SH3PXD2A: variants seen among roughly 807,000 people sequenced by gnomAD.
SH3PXD2A encodes SH3 and PX domains 2A, also known as SH3 and PX domain-containing protein 2A.
A neutral mutation model predicts 115.2 loss-of-function variants in SH3PXD2A; 32 were observed. The ratio of observed to expected loss-of-function variants is 0.28; its 90% CI spans 0.21 to 0.37. The LOEUF is 0.37. Ranked by LOEUF, SH3PXD2A falls within the 10% of genes least tolerant of loss-of-function variation. The pLI is 1.00. For synonymous variants in SH3PXD2A, 610 were observed against 629.1 expected (o/e 0.97, Z 0.45); for missense variants, 1,328 against 1,498.7 (o/e 0.89, Z 1.88).
intron 1 of SH3PXD2A, among the ~76,000 whole-genome samples, chr10:103,836,457 C>T (rs1286203441): frequency 1.3e-5 from 2 of 151,390 alleles, no homozygotes; most frequent in African/African-American, 2.4e-5. Flanking sequence ...TAACACATCC[C>T]CTAACACACA....
At position 103,691,991 on chromosome 10, in the gene SH3PXD2A, C is replaced by T. The variant is rs151069284; in HGVS notation, c.427+1037G>A. Among the ~76,000 whole-genome samples the T allele has an allele frequency of 8.3e-3, 1,260 of 152,326 alleles. 13 individuals carry two copies. The highest frequency in any genetic ancestry group is 0.013 in the Non-Finnish European group (859 of 68,022). ...ATCCACCACACAGGGGCACTCCCCT[C>T]AACCTATCCACAGGCCAAGGCACTT... On this transcript the variant is annotated intron_variant, in intron 6 of 14. Coordinates refer to ENST00000369774, the MANE Select transcript of SH3PXD2A (RefSeq NM_001394015.1).
intron 1 of SH3PXD2A, among the ~76,000 whole-genome samples, chr10:103,806,840 G>C (rs976038416): frequency 6.6e-6 from 1 of 152,146 alleles, no homozygotes; most frequent in Non-Finnish European, 1.5e-5. Context: ...CAGACTGAGG[G>C]GACCCAGGGG....
chr10:103,689,957 G>T (rs1228349202), intron 6 of SH3PXD2A, among the ~76,000 whole-genome samples: 1 of 152,064 alleles, frequency 6.6e-6, no homozygotes, highest in Non-Finnish European at 1.5e-5. Flanking sequence ...CCCCAGAATG[G>T]CATCCATTTC....
At chr10:103,809,467 C>T (rs1294100233) in intron 1 of SH3PXD2A, among the ~76,000 whole-genome samples, 2 of 152,298 alleles carry the variant, frequency 1.3e-5, no homozygotes, top group South Asian at 2.1e-4. Context: ...AAAACACAGA[C>T]GCTTCTACTG....
At chr10:103,650,682 C>T (rs1462163545) in intron 8 of SH3PXD2A, among the ~76,000 whole-genome samples, 3 of 152,210 alleles carry the variant, frequency 2.0e-5, no homozygotes, top group African/African-American at 7.2e-5. Context: ...AGTCCAGGCC[C>T]TGTCCCTGTC....
At chr10:103,727,865 G>C (rs1310859325) in intron 4 of SH3PXD2A, among the ~76,000 whole-genome samples, 3 of 152,224 alleles carry the variant, frequency 2.0e-5, no homozygotes, top group African/African-American at 4.8e-5. Context: ...GCTTCCATCA[G>C]AGCTGCTGCC....
In SH3PXD2A at chr10:103,833,619, C is replaced by A. The variant is rs530988064; in HGVS notation, c.72+21576G>T. 5.9e-5 allele frequency among the ~76,000 whole-genome samples: 9 copies of A among 152,296 alleles called. No homozygotes were observed. In the South Asian group the frequency reaches 8.3e-4, roughly 14 times the overall value. On this transcript the variant is annotated intron_variant, in intron 1 of 14. Transcript: ENST00000369774. ...ATTCCTTATTATCTACCCGAACTTT[C>A]TTGAAAGTGAGATGATAAATTTCCA...
intron 2 of SH3PXD2A, among the ~76,000 whole-genome samples, chr10:103,775,335 C>T (rs951321019): frequency 6.6e-6 from 1 of 152,138 alleles, no homozygotes; most frequent in Non-Finnish European, 1.5e-5. Context: ...GTCTGTGATC[C>T]GAGTGGGAGC....
intron 2 of SH3PXD2A, among the ~76,000 whole-genome samples, chr10:103,790,722 C>T (rs946782569): frequency 1.3e-5 from 2 of 152,154 alleles, no homozygotes; most frequent in African/African-American, 4.8e-5. Flanking sequence ...ACTCTGAGAC[C>T]ATGTCTGGGC....
intron 1 of SH3PXD2A, among the ~76,000 whole-genome samples, chr10:103,825,078 G>A (rs2039416826): frequency 6.6e-6 from 1 of 152,204 alleles, no homozygotes; most frequent in Non-Finnish European, 1.5e-5. Flanking sequence ...CTGAGCCATT[G>A]TGCCCAGCCT....
chr10:103,700,209 G>A (rs560807535), intron 5 of SH3PXD2A, among the ~76,000 whole-genome samples: 1,753 of 152,340 alleles, frequency 0.012, 24 homozygotes, highest in African/African-American at 0.04. Flanking sequence ...TTAGAACCCT[G>A]GTTCAGCCAC....
intron 1 of SH3PXD2A, among the ~76,000 whole-genome samples, chr10:103,827,587 T>C (rs1380994228): frequency 6.6e-6 from 1 of 152,176 alleles, no homozygotes; most frequent in African/African-American, 2.4e-5. Context: ...CATAGGTACA[T>C]AGCACACCGC....
intron 1 of SH3PXD2A, among the ~76,000 whole-genome samples, chr10:103,840,012 T>G (rs11191822): frequency 0.32 from 48,636 of 152,202 alleles, 8,634 homozygotes; most frequent in East Asian, 0.65. Flanking sequence ...CAACGCCCAG[T>G]GCCATCAAAT....
At chr10:103,764,078 G>A (rs1375238755) in intron 3 of SH3PXD2A, among the ~76,000 whole-genome samples, 1 of 152,188 alleles carries the variant, frequency 6.6e-6, no homozygotes, top group Admixed American at 6.5e-5. Flanking sequence ...CCTAAGACAG[G>A]CAATGTTCAT....
chr10:103,604,805 A>G (rs2036275786), intron 14 of SH3PXD2A, among the ~76,000 whole-genome samples: 1 of 152,210 alleles, frequency 6.6e-6, no homozygotes, highest in Admixed American at 6.5e-5. Context: ...TGAGCCTGAC[A>G]GTTCTGCCAC....
At chr10:103,622,662 G>A in intron 9 of SH3PXD2A, 109 bp from the exon 10 acceptor site, 1 of 683,240 alleles carries the variant, frequency 1.5e-6, no homozygotes. Context: ...AGGGAGGGGA[G>A]GCCCACACTT....
At chr10:103,685,205 G>C (rs2037661956) in intron 6 of SH3PXD2A, among the ~76,000 whole-genome samples, 1 of 152,024 alleles carries the variant, frequency 6.6e-6, no homozygotes, top group African/African-American at 2.4e-5. Context: ...TGGGCATGGT[G>C]GCGGACGCCT....
chr10:103,671,866 G>A (rs1486162170), intron 6 of SH3PXD2A, among the ~76,000 whole-genome samples: 2 of 152,212 alleles, frequency 1.3e-5, no homozygotes, highest in African/African-American at 4.8e-5. Context: ...CTCCTCTGGT[G>A]ATCCAGAACC....
chr10:103,648,996 C>T (rs1281421279), intron 8 of SH3PXD2A, among the ~76,000 whole-genome samples: 1 of 152,196 alleles, frequency 6.6e-6, no homozygotes, highest in East Asian at 1.9e-4. Context: ...TCCCTGTGAT[C>T]ATCATTACAA....
Sources: allele counts gnomAD v4.1 joint callset (sites outside exome capture counted in the v4.1 genomes callset), GRCh38; gene constraint gnomAD v4.1.1; transcripts MANE v1.5; gene names NCBI Gene and HGNC (gene_info 2026-07-23, HGNC 2026-07-21).